EXOC4: variants seen among roughly 807,000 people sequenced by gnomAD.
EXOC4 encodes the protein SEC8-like 1.
Under a neutral mutation model 107.2 loss-of-function variants are expected in EXOC4, and 71 were observed. That is an observed-to-expected ratio of 0.66 (90% confidence interval 0.55 to 0.81). EXOC4 has a LOEUF of 0.81. EXOC4 is among the 30% of genes least tolerant of loss of function. EXOC4 has a pLI of 0.00. For synonymous variants in EXOC4, 456 were observed against 441.2 expected (o/e 1.03, Z -0.42); for missense variants, 1,108 against 1,189.6 (o/e 0.93, Z 1.01).
At chr7:134,088,844 T>G in the EXOC4 span, among the ~76,000 whole-genome samples, 4 of 152,186 alleles carry the variant, frequency 2.6e-5, no homozygotes, top group Admixed American at 1.3e-4. Flanking sequence ...TTATAATTAT[T>G]AATAACCTAC....
rs77013861 is a variant in EXOC4 at position 133,349,016 on chromosome 7, G to A, written c.764-7314G>A. Among the ~76,000 whole-genome samples the A allele has an allele frequency of 5.8e-3, 883 of 152,146 alleles. 9 individuals carry two copies. The highest frequency in any genetic ancestry group is 0.02 in the African/African-American group (822 of 41,504). On this transcript the variant is annotated intron_variant, in intron 5 of 17. Coordinates refer to ENST00000253861, the MANE Select transcript of EXOC4 (RefSeq NM_021807.4). ...CTCATGGATTTCAGGGATCTAATGA[G>A]CTTAGTAAGATTTGCATCATGGATA...
At chr7:134,002,461 A>G (rs1375642673) in intron 15 of EXOC4, among the ~76,000 whole-genome samples, 1 of 152,174 alleles carries the variant, frequency 6.6e-6, no homozygotes, top group Non-Finnish European at 1.5e-5. Flanking sequence ...CAAAAATAAA[A>G]AAGTTATAAA....
At chr7:133,845,432 TAGATATATA>T (rs1798107242) in intron 11 of EXOC4, among the ~76,000 whole-genome samples, 2 of 148,000 alleles carry the variant, frequency 1.4e-5, no homozygotes, top group South Asian at 2.1e-4. Flanking sequence ...TTATATATAC[TAGATATATA>T]AGATATATAT....
At chr7:133,481,793 G>A (rs1416953398) in intron 9 of EXOC4, among the ~76,000 whole-genome samples, 3 of 152,180 alleles carry the variant, frequency 2.0e-5, no homozygotes, top group African/African-American at 7.2e-5. Flanking sequence ...ATGTAGAGGA[G>A]TACAGACTGT....
At chr7:133,822,306 G>A (rs1797539906) in intron 11 of EXOC4, among the ~76,000 whole-genome samples, 1 of 152,082 alleles carries the variant, frequency 6.6e-6, no homozygotes, top group South Asian at 2.1e-4. Flanking sequence ...AGACGGAACT[G>A]ATTCAGTTCA....
intron 9 of EXOC4, among the ~76,000 whole-genome samples, chr7:133,505,768 T>C (rs1409470744): frequency 6.6e-6 from 1 of 152,184 alleles, no homozygotes; most frequent in Non-Finnish European, 1.5e-5. Flanking sequence ...TGATGTTCTG[T>C]AGTTAGATTC....
At chr7:133,836,015 A>C (rs2151243454) in intron 11 of EXOC4, among the ~76,000 whole-genome samples, 1 of 152,274 alleles carries the variant, frequency 6.6e-6, no homozygotes, top group African/African-American at 2.4e-5. Context: ...TAGTAGCAAA[A>C]ATTCTATGCT....
chr7:133,583,687 A>G (rs566831590), intron 9 of EXOC4, among the ~76,000 whole-genome samples: 1 of 152,234 alleles, frequency 6.6e-6, no homozygotes, highest in Non-Finnish European at 1.5e-5. Context: ...TGAGAGGTGC[A>G]GCTGAAGGGA....
At chr7:133,971,442 T>G (rs1801235486) in intron 14 of EXOC4, among the ~76,000 whole-genome samples, 1 of 147,620 alleles carries the variant, frequency 6.8e-6, no homozygotes, top group Non-Finnish European at 1.5e-5. Context: ...GAATATGTAT[T>G]GTGTATTCTT....
At chr7:133,632,981 A>G (rs1802625466) in intron 10 of EXOC4, among the ~76,000 whole-genome samples, 1 of 152,208 alleles carries the variant, frequency 6.6e-6, no homozygotes, top group South Asian at 2.1e-4. Context: ...TTTCAAATGA[A>G]AAACATGACA....
At chr7:133,584,580 TTTTTG>T (rs1273472042) in intron 9 of EXOC4, among the ~76,000 whole-genome samples, 8 of 135,696 alleles carry the variant, frequency 5.9e-5, no homozygotes, top group South Asian at 2.6e-4. Flanking sequence ...TTCAGTTTTT[TTTTTG>T]TTTTTTTTTT....
At chr7:133,537,302 C>CA (rs200606173) in intron 9 of EXOC4, among the ~76,000 whole-genome samples, 11 of 148,888 alleles carry the variant, frequency 7.4e-5, no homozygotes, top group African/African-American at 2.8e-4. Flanking sequence ...AGGCACCCCC[C>CA]CCCCCACCAC....
intron 1 of EXOC4, among the ~76,000 whole-genome samples, chr7:133,260,884 C>A (rs1033992600): frequency 2.0e-5 from 3 of 151,970 alleles, no homozygotes; most frequent in African/African-American, 7.3e-5. Context: ...TGCTACAGTT[C>A]ATGGAATGTT....
intron 5 of EXOC4, among the ~76,000 whole-genome samples, chr7:133,353,867 A>AT (rs942238722): frequency 6.7e-6 from 1 of 150,150 alleles, no homozygotes; most frequent in Admixed American, 6.6e-5. Context: ...ACGTTTGCTG[A>AT]TTTTTTTTCT....
chr7:134,078,988 C>T, the EXOC4 span, among the ~76,000 whole-genome samples: 3,700 of 152,230 alleles, frequency 0.024, 134 homozygotes, highest in African/African-American at 0.078. Flanking sequence ...CTACATCATT[C>T]GCCCCACATC....
intron 7 of EXOC4, among the ~76,000 whole-genome samples, chr7:133,392,912 G>A (rs1221844967): frequency 6.6e-6 from 1 of 152,070 alleles, no homozygotes; most frequent in Non-Finnish European, 1.5e-5. Flanking sequence ...TCTTAGCTTG[G>A]CATTCAAATA....
Position 133,734,121 on chromosome 7 carries a change from C to T in EXOC4, c.1515-83204C>T, listed in dbSNP as rs568004028. Among the ~76,000 whole-genome samples, 5 of 152,102 alleles carry T rather than the reference C, an allele frequency of 3.3e-5. No homozygotes were observed. The East Asian group carries it at 5.8e-4, about 18-fold the overall frequency. Reference sequence around the variant, plus strand: ...CCATTTACCAACCACTAGACAATAGCGCCTCTGGCAGATCAAATTTGTACA... The same window carrying T: ...CCATTTACCAACCACTAGACAATAGTGCCTCTGGCAGATCAAATTTGTACA... On this transcript the variant is annotated intron_variant, in intron 10 of 17. Coordinates refer to ENST00000253861, the MANE Select transcript of EXOC4 (RefSeq NM_021807.4).
chr7:133,745,835 A>C (rs1290080633), intron 10 of EXOC4, among the ~76,000 whole-genome samples: 1 of 151,824 alleles, frequency 6.6e-6, no homozygotes, highest in Non-Finnish European at 1.5e-5. Flanking sequence ...GAAAGGACTC[A>C]AGTCAATCTT....
chr7:133,943,614 G>A (rs1427399992), intron 14 of EXOC4, among the ~76,000 whole-genome samples: 1 of 152,098 alleles, frequency 6.6e-6, no homozygotes, highest in East Asian at 1.9e-4. Flanking sequence ...CTATATTTAT[G>A]TAATTTGTTT....
Sources: allele counts gnomAD v4.1 joint callset (sites outside exome capture counted in the v4.1 genomes callset), GRCh38; gene constraint gnomAD v4.1.1; transcripts MANE v1.5; gene names NCBI Gene and HGNC (gene_info 2026-07-23, HGNC 2026-07-21).